ADAMTS14: variants seen among roughly 807,000 people sequenced by gnomAD.
ADAMTS14 encodes the protein A disintegrin and metalloproteinase with thrombospondin motifs 14.
A neutral mutation model predicts 128.6 loss-of-function variants in ADAMTS14; 100 were observed. That is an observed-to-expected ratio of 0.78 (90% confidence interval 0.66 to 0.92). The LOEUF is 0.92. Ranked by LOEUF, ADAMTS14 falls within the 40% of genes least tolerant of loss-of-function variation. ADAMTS14 has a pLI of 0.00. For synonymous variants in ADAMTS14, 665 were observed against 653.8 expected, an observed-to-expected ratio of 1.02 and a Z score of -0.26; for missense variants, 1,562 against 1,658.6, an observed-to-expected ratio of 0.94 and a Z score of 1.01.
intron 6 of ADAMTS14, among the ~76,000 whole-genome samples, chr10:70,730,870 A>C (rs189064240): frequency 1.1e-4 from 17 of 152,326 alleles, no homozygotes; most frequent in African/African-American, 4.1e-4. Context: ...AAACTGAGCC[A>C]TGGGGTGGTG....
At chr10:70,736,408 G>C (rs1349789322) in intron 9 of ADAMTS14, among the ~76,000 whole-genome samples, 17 of 152,152 alleles carry the variant, frequency 1.1e-4, no homozygotes, top group Admixed American at 1.1e-3. Flanking sequence ...AATGGCCTCT[G>C]TAAAGCGGGG....
At position 70,733,958 on chromosome 10, in the gene ADAMTS14, C is replaced by T. The variant is rs769957477; in HGVS notation, c.1282C>T (p.Leu428=). 6.2e-7 allele frequency: 1 copy of T among 1,613,894 alleles called. No individual in the cohort carries two copies. The highest frequency in any genetic ancestry group is 1.1e-5 in the South Asian group (1 of 91,082). ...ETSLGSVMAP[L]VQAAFHRFHW... is the part of the protein sequence containing the mutation. The stretch of plus-strand genomic sequence containing the variant: ...CAGCCTGGGCAGCGTCATGGCGCCC[C>T]TGGTGCAGGCTGCCTTCCACCGCTT... Residue 428 remains leucine, a synonymous_variant, in exon 8 of 22, where the codon CTG becomes TTG. Transcript: ENST00000373207.
intron 12 of ADAMTS14, 80 bp from the exon 13 acceptor site, chr10:70,743,468 G>T: frequency 6.7e-7 from 1 of 1,492,788 alleles, no homozygotes; most frequent in Non-Finnish European, 8.9e-7. Context: ...GGAGCTTTCT[G>T]GCTGGACCAC....
At position 70,677,412 on chromosome 10, in the gene ADAMTS14, A is replaced by ATACTT. The variant is rs546643439; in HGVS notation, c.522+2417_522+2418insTACTT. On this transcript the variant is annotated intron_variant, in intron 2 of 21. Transcript: ENST00000373207. The stretch of plus-strand genomic sequence containing the variant: ...AGCTTTACTCTTCTCATTTGTCCAA[A>ATACTT]GAGGGACTATACTTGATATTCCCTG... 2.6e-4 allele frequency among the ~76,000 whole-genome samples: 40 copies of ATACTT among 152,238 alleles called. 2 individuals carry two copies. In the South Asian group the frequency reaches 7.7e-3, roughly 29 times the overall value.
intron 2 of ADAMTS14, among the ~76,000 whole-genome samples, chr10:70,687,248 A>C (rs1589262587): frequency 3.9e-5 from 3 of 77,728 alleles, no homozygotes; most frequent in Non-Finnish European, 5.5e-5. Flanking sequence ...TGACCCCCCC[A>C]CCTCCCTCCC....
intron 2 of ADAMTS14, among the ~76,000 whole-genome samples, chr10:70,700,462 C>G (rs192331214): frequency 6.6e-6 from 1 of 152,120 alleles, no homozygotes; most frequent in Non-Finnish European, 1.5e-5. Context: ...GGGAGAATCT[C>G]CTTGTCTCTG....
At chr10:70,756,102 A>G (rs1038143775) in intron 19 of ADAMTS14, among the ~76,000 whole-genome samples, 8 of 152,210 alleles carry the variant, frequency 5.3e-5, no homozygotes, top group African/African-American at 1.7e-4. Flanking sequence ...TAGAGAATAC[A>G]TTTAGGTGAG....
intron 2 of ADAMTS14, among the ~76,000 whole-genome samples, chr10:70,692,761 T>A (rs887861737): frequency 6.6e-6 from 1 of 152,250 alleles, no homozygotes; most frequent in African/African-American, 2.4e-5. Context: ...CTTTTTCACC[T>A]TTAAAATCAT....
At chr10:70,702,183 G>T in intron 2 of ADAMTS14, 129 bp from the exon 3 acceptor site, 1 of 1,372,818 alleles carries the variant, frequency 7.3e-7, no homozygotes, top group Non-Finnish European at 1.0e-6. Flanking sequence ...GCTCCTCAAG[G>T]TCCTGGAGGA....
chr10:70,716,507 G>A (rs2132634412), intron 4 of ADAMTS14, among the ~76,000 whole-genome samples: 1 of 152,336 alleles, frequency 6.6e-6, no homozygotes, highest in South Asian at 2.1e-4. Context: ...GGGAAGGAGA[G>A]CAGATGGGGA....
intron 10 of ADAMTS14, 36 bp from the exon 11 acceptor site, chr10:70,738,806 G>T (rs375507081): frequency 9.9e-6 from 16 of 1,612,884 alleles, no homozygotes; most frequent in Non-Finnish European, 1.3e-5. Flanking sequence ...AGCAGCAGCA[G>T]CCCAGGGTGA....
chr10:70,735,894 A>G (rs1841812292), intron 9 of ADAMTS14, among the ~76,000 whole-genome samples: 1 of 152,220 alleles, frequency 6.6e-6, no homozygotes, highest in Admixed American at 6.5e-5. Context: ...AGAATGGGCC[A>G]TCTCAGGGGT....
intron 19 of ADAMTS14, among the ~76,000 whole-genome samples, chr10:70,757,227 G>A (rs1239582060): frequency 2.0e-5 from 3 of 152,182 alleles, no homozygotes; most frequent in South Asian, 2.1e-4. Context: ...TCCAGGGGAC[G>A]ATGTGTGTGG....
In ADAMTS14 at chr10:70,707,925, G is replaced by A. The variant is rs183041064; in HGVS notation, c.680-663G>A. 2.1e-4 allele frequency among the ~76,000 whole-genome samples: 32 copies of A among 152,352 alleles called. No individual in the cohort carries two copies. In the South Asian group the frequency reaches 2.9e-3, roughly 14 times the overall value. On this transcript the variant is annotated intron_variant, in intron 3 of 21. Transcript: ENST00000373207. ...GTGGCAGAATCGAATGGTTGTGACC[G>A]AGAATGAATGACCCCCAGAGCCTAA...
In ADAMTS14 at chr10:70,702,204, A is replaced by G. The variant is rs1409959574; in HGVS notation, c.523-108A>G. Reference sequence around the variant, plus strand: ...CAAGGTCCTGGAGGAAGAGCCTGCAAGCATGTAGGGTCACATATGTGCATT... The same window carrying G: ...CAAGGTCCTGGAGGAAGAGCCTGCAGGCATGTAGGGTCACATATGTGCATT... On this transcript the variant is annotated intron_variant, in intron 2 of 21. Transcript: ENST00000373207. 5 of 1,482,542 alleles carry G rather than the reference A, an allele frequency of 3.4e-6. No homozygotes were observed. The East Asian group carries it at 1.2e-4, about 35-fold the overall frequency. The allele number at this position is 1,482,542 out of a possible 1,614,324, so 91.8% of individuals were successfully genotyped here. A position where few individuals can be genotyped will look rare whatever the true frequency, so the allele number is the denominator to read the frequency against.
In ADAMTS14 at chr10:70,679,229, C is replaced by T. The variant is rs1274843471; in HGVS notation, c.522+4234C>T. On this transcript the variant is annotated intron_variant, in intron 2 of 21. Transcript: ENST00000373207. ...ATGAAAGATAGTGCCAGGCCCCTGA[C>T]CAGCAGAAAGAATGACTGACCCAGC... 5.9e-5 allele frequency among the ~76,000 whole-genome samples: 9 copies of T among 152,268 alleles called. No homozygotes were observed. In the East Asian group the frequency reaches 1.5e-3, roughly 26 times the overall value.
In ADAMTS14 at chr10:70,674,698, A is replaced by G. The variant is rs1296843740; in HGVS notation, c.225A>G (p.Thr75=). 1.4e-5 allele frequency: 22 copies of G among 1,613,406 alleles called. No individual in the cohort carries two copies. Among genetic ancestry groups the G allele is most frequent in the African/African-American group, 5.3e-5 (4 of 74,914 alleles). The change falls in exon 2 of 22, where the codon ACA becomes ACG. Residue 75 remains threonine, a synonymous_variant. Transcript: ENST00000373207. ...GCATGGTAGTGGACACGCCACCCAC[A>G]CTACCACGACACTCCAGTCACCTCC... The part of the protein sequence containing the change: ...AGSMVVDTPP[T]LPRHSSHLRV...
Position 70,753,941 on chromosome 10 carries a change from TGAGGCCCGACGGCCCTGTCTCC to T in ADAMTS14, c.2875_2896del (p.Ala959CysfsTer65), listed in dbSNP as rs759505388. 4 of 1,587,256 alleles carry T rather than the reference TGAGGCCCGACGGCCCTGTCTCC, an allele frequency of 2.5e-6. No homozygotes were observed. Among genetic ancestry groups the T allele is most frequent in the Non-Finnish European group, 3.4e-6 (4 of 1,167,716 alleles). ...CCAAAGCCTGCGCCGGGGACCGGCCTGAGGCCCGACGGCCCTGTCTCCGAGTGCCCTGCCCAGCCCAGTGGAG... is the reference window on the plus strand; with the variant it reads ...CCAAAGCCTGCGCCGGGGACCGGCCTGAGTGCCCTGCCCAGCCCAGTGGAG... On this transcript the variant is annotated frameshift_variant, in exon 19 of 22. Transcript: ENST00000373207.
intron 8 of ADAMTS14, 89 bp downstream of exon 8, chr10:70,734,117 C>G: frequency 6.5e-7 from 1 of 1,529,540 alleles, no homozygotes; most frequent in Non-Finnish European, 8.8e-7. Flanking sequence ...GGCTTCCCCA[C>G]GTTGCCCCTG....
Sources: gnomAD v4.1 joint callset for allele counts (sites outside exome capture counted in the v4.1 genomes callset) on GRCh38, gnomAD v4.1.1 for gene constraint, MANE v1.5 for transcripts, NCBI Gene and HGNC (gene_info 2026-07-23, HGNC 2026-07-21) for gene names.